The following TRAP1 variants were observed in gnomAD, a reference collection of about 807,000 sequenced individuals.
TRAP1 encodes heat shock protein 75 kDa, mitochondrial.
A neutral mutation model predicts 89.1 loss-of-function variants in TRAP1; 102 were observed. The ratio of observed to expected loss-of-function variants is 1.15; its 90% CI spans 0.98 to 1.35. TRAP1 has a LOEUF of 1.35. TRAP1 is among the 40% of genes most tolerant of loss of function. The probability of loss-of-function intolerance (pLI) is 0.00; values close to 1 mark genes in which losing one functional copy is unlikely to be tolerated. For missense variants in TRAP1, 1,256 were observed against 945.3 expected (o/e 1.33, Z -4.31); for synonymous variants, 508 against 388.0 (o/e 1.31, Z -3.64).
At chr16:3,662,614 T>C (rs2043150208) in intron 15 of TRAP1, 1 of 652,084 alleles carries the variant, frequency 1.5e-6, no homozygotes, top group South Asian at 1.5e-5. Context: ...CCTCAGCCAT[T>C]GCAGCTCCCA....
chr16:3,672,409 A>C (rs541731316), intron 10 of TRAP1, among the ~76,000 whole-genome samples: 2 of 152,224 alleles, frequency 1.3e-5, no homozygotes, highest in South Asian at 4.1e-4. Context: ...CTTAAACTAT[A>C]ATCTCACTCA....
chr16:3,658,103 T>TGTCAGTCCTTCTGGCCCCCTGGCTGTCA lies in TRAP1; in HGVS notation c.2113_*25dup. 1 of 1,612,084 alleles carries TGTCAGTCCTTCTGGCCCCCTGGCTGTCA rather than the reference T, an allele frequency of 6.2e-7. No individual in the cohort carries two copies. On this transcript the variant is annotated 3_prime_UTR_variant, in exon 18 of 18. Transcript: ENST00000246957. ...AAGGAGGTGGGGCTGTCATCTGTGG[T>TGTCAGTCCTTCTGGCCCCCTGGCTGTCA]GTCAGTCCTTCTGGCCCCCTGGCTG...
chr16:3,678,184 C>G (rs1451910594), intron 5 of TRAP1: 1 of 153,260 alleles, frequency 6.5e-6, no homozygotes, highest in Non-Finnish European at 1.5e-5. Context: ...AAAATACACA[C>G]GCCCACTGCC....
At position 3,662,183 on chromosome 16, in the gene TRAP1, G is replaced by T. The variant is rs761214214; in HGVS notation, c.1795-51C>A. On this transcript the variant is annotated intron_variant, in intron 15 of 17. Coordinates refer to ENST00000246957, the MANE Select transcript of TRAP1 (RefSeq NM_016292.3). ...GTGATAGAGGTTCCCAATGTGAGAG[G>T]GCTGGCAGGATCTTACCAGGGGTGA... 14 of 1,576,400 alleles carry T rather than the reference G, an allele frequency of 8.9e-6. No homozygotes were observed. The East Asian group carries it at 1.1e-4, about 13-fold the overall frequency.
Position 3,664,394 on chromosome 16 carries a change from G to C in TRAP1, c.1449C>G (p.Leu483=). The C allele has an allele frequency of 1.2e-6, 2 of 1,612,514 alleles. No individual in the cohort carries two copies. Among genetic ancestry groups the C allele is most frequent in the South Asian group, 1.1e-5 (1 of 90,844 alleles). ...SALPSGQLTS[L]SEYASRMRAG... ...CCCGCATGCGGCTGGCGTATTCTGA[G>C]AGGCTGGTTAGCTGCCCGGAGGGCA... Residue 483 remains leucine, a synonymous_variant, in exon 13 of 18, where the codon CTC becomes CTG. Coordinates refer to ENST00000246957, the MANE Select transcript of TRAP1 (RefSeq NM_016292.3).
At chr16:3,693,860 G>C (rs1442485942) in intron 1 of TRAP1, among the ~76,000 whole-genome samples, 1 of 152,040 alleles carries the variant, frequency 6.6e-6, no homozygotes, top group Non-Finnish European at 1.5e-5. Flanking sequence ...AGGTGTAGTG[G>C]TGTGCACCTG....
At chr16:3,659,749 T>TTAGATAGATAGATAGA (rs3068078) in intron 16 of TRAP1, 2 of 140,244 alleles carry the variant, frequency 1.4e-5, no homozygotes, top group African/African-American at 5.1e-5. Context: ...ACTTTTTTTT[T>TTAGATAGATAGATAGA]TAGATAGATA....
intron 1 of TRAP1, among the ~76,000 whole-genome samples, chr16:3,714,267 C>T (rs1345296017): frequency 2.0e-5 from 3 of 152,158 alleles, no homozygotes; most frequent in African/African-American, 7.2e-5. Flanking sequence ...TTTGACGACT[C>T]GGGGGCATTG....
intron 1 of TRAP1, among the ~76,000 whole-genome samples, chr16:3,698,514 G>C (rs1359349491): frequency 6.6e-6 from 1 of 152,032 alleles, no homozygotes; most frequent in South Asian, 2.1e-4. Context: ...GTGTTAGCCA[G>C]GATGGTCTTG....
At chr16:3,695,464 A>C (rs1202704728) in intron 1 of TRAP1, among the ~76,000 whole-genome samples, 1 of 148,542 alleles carries the variant, frequency 6.7e-6, no homozygotes, top group Non-Finnish European at 1.5e-5. Flanking sequence ...CGAACACAGG[A>C]GGTGGAGGTT....
At position 3,662,144 on chromosome 16, in the gene TRAP1, GC is replaced by G; in HGVS notation, c.1795-13del. Reference sequence around the variant, plus strand: ...AGTCGGAGGGTCACCTGTGAGCAAAGCCCGGGGTTGAGGGTGATAGAGGTTC... The same window carrying G: ...AGTCGGAGGGTCACCTGTGAGCAAAGCCGGGGTTGAGGGTGATAGAGGTTC... On this transcript the variant is annotated splice_polypyrimidine_tract_variant and intron_variant, in intron 15 of 17. Coordinates refer to ENST00000246957, the MANE Select transcript of TRAP1 (RefSeq NM_016292.3). 1 of 1,608,204 alleles carries G rather than the reference GC, an allele frequency of 6.2e-7. No individual in the cohort carries two copies. The highest frequency in any genetic ancestry group is 8.5e-7 in the Non-Finnish European group (1 of 1,176,852).
intron 1 of TRAP1, among the ~76,000 whole-genome samples, chr16:3,692,115 G>A (rs2051222733): frequency 6.6e-6 from 1 of 152,196 alleles, no homozygotes; most frequent in African/African-American, 2.4e-5. Flanking sequence ...TGGCCAGCCA[G>A]CCACGCCGTG....
intron 16 of TRAP1, chr16:3,659,654 A>G (rs903355433): frequency 3.3e-5 from 5 of 152,188 alleles, no homozygotes; most frequent in African/African-American, 1.2e-4. Flanking sequence ...CAACCTCTCC[A>G]GAGGACAACT....
In TRAP1 at chr16:3,694,866, T is replaced by C. The variant is rs561842731; in HGVS notation, c.89-3881A>G. 1.8e-4 allele frequency among the ~76,000 whole-genome samples: 27 copies of C among 152,250 alleles called. No homozygotes were observed. The South Asian group carries it at 5.2e-3, about 29-fold the overall frequency. The stretch of plus-strand genomic sequence containing the variant: ...GGTAGCTTACAGTAACAGACACTTA[T>C]TCTCTCACAGTCCTGGAAGCAAGAA... On this transcript the variant is annotated intron_variant, in intron 1 of 17. Coordinates refer to ENST00000246957, the MANE Select transcript of TRAP1 (RefSeq NM_016292.3).
At chr16:3,702,119 T>A (rs772349999) in intron 1 of TRAP1, among the ~76,000 whole-genome samples, 5 of 151,932 alleles carry the variant, frequency 3.3e-5, no homozygotes, top group Non-Finnish European at 7.4e-5. Flanking sequence ...TGAGACTCCA[T>A]CTCGGGCGGG....
chr16:3,697,600 T>A (rs986004317), intron 1 of TRAP1, among the ~76,000 whole-genome samples: 2 of 149,822 alleles, frequency 1.3e-5, no homozygotes, highest in East Asian at 4.0e-4. Context: ...GGAGACGGAG[T>A]TTGCAGCGAG....
rs1296162247 is a variant in TRAP1, at chr16:3,662,400, G to A, written c.1795-268C>T. The A allele has an allele frequency of 7.0e-6, 4 of 575,200 alleles. No individual in the cohort carries two copies. The East Asian group carries it at 1.2e-4, about 17-fold the overall frequency. 35.6% of individuals were successfully genotyped at this position (575,200 alleles called of 1,614,324 possible). ...GAGCTGCCCGAATCCATCGTCCTCT[G>A]CTCCATGCCAGCCCACCCTGCATGA... On this transcript the variant is annotated intron_variant, in intron 15 of 17. Transcript: ENST00000246957.
At chr16:3,669,471 T>C (rs115431975) in intron 11 of TRAP1, among the ~76,000 whole-genome samples, 174 of 152,228 alleles carry the variant, frequency 1.1e-3, no homozygotes, top group African/African-American at 3.9e-3. Context: ...ACCTTTTATA[T>C]AGTTATATCT....
At chr16:3,680,047 T>C (rs1264463104) in intron 4 of TRAP1, 3 of 394,998 alleles carry the variant, frequency 7.6e-6, no homozygotes, top group Admixed American at 7.2e-5. Flanking sequence ...CTGGCCAACA[T>C]GGTAAAACCC....
Sources: gnomAD v4.1 joint callset for allele counts (sites outside exome capture counted in the v4.1 genomes callset) on GRCh38, gnomAD v4.1.1 for gene constraint, MANE v1.5 for transcripts, NCBI Gene and HGNC (gene_info 2026-07-23, HGNC 2026-07-21) for gene names.